Variants in FGF13 observed in about 807,000 individuals in gnomAD.
The protein encoded by FGF13 is fibroblast growth factor homologous factor 2.
FGF13 carries 2 observed loss-of-function variants against 19.5 expected under a neutral mutation model. The ratio of observed to expected loss-of-function variants is 0.10; its 90% CI spans 0.04 to 0.32. FGF13 has a LOEUF of 0.32. Among genes scored for constraint, FGF13 ranks in the 10% least tolerant of loss-of-function variants. FGF13 has a pLI of 1.00. For missense variants in FGF13, 113 were observed against 192.7 expected (o/e 0.59, Z 2.45); for synonymous variants, 72 against 76.9 (o/e 0.94, Z 0.33).
intron 3 of FGF13, among the ~76,000 whole-genome samples, chrX:138,839,866 C>G (rs772167115): frequency 2.7e-5 from 3 of 111,893 alleles, no homozygotes; most frequent in Non-Finnish European, 5.6e-5. Flanking sequence ...TATTTTTTAA[C>G]ACCTACTGGG....
chrX:139,065,152 A>C (rs1354433522), intron 1 of FGF13, among the ~76,000 whole-genome samples: 2 of 111,132 alleles, frequency 1.8e-5, no homozygotes, highest in African/African-American at 6.5e-5. Flanking sequence ...CTCCTGAAGG[A>C]AGCACTAAAC....
At chrX:138,922,163 A>T (rs1349692263) in intron 1 of FGF13, among the ~76,000 whole-genome samples, 1 of 110,382 alleles carries the variant, frequency 9.1e-6, no homozygotes, top group Admixed American at 9.7e-5. Flanking sequence ...TCTCACACAA[A>T]AAAAATGAAA....
At chrX:138,717,257 TGAG>T (rs1359837444) in intron 1 of FGF13, among the ~76,000 whole-genome samples, 1 of 111,530 alleles carries the variant, frequency 9.0e-6, no homozygotes, top group Non-Finnish European at 1.9e-5. Flanking sequence ...CCCTTAATCT[TGAG>T]GAGAGAATAC....
intron 1 of FGF13, among the ~76,000 whole-genome samples, chrX:139,012,125 T>A (rs2092131569): frequency 9.0e-6 from 1 of 111,289 alleles, no homozygotes; most frequent in Admixed American, 9.5e-5. Flanking sequence ...TACTTAGGAA[T>A]ATACCTAACC....
chrX:138,875,114 C>T (rs535416374), intron 1 of FGF13, among the ~76,000 whole-genome samples: 12 of 109,478 alleles, frequency 1.1e-4, no homozygotes, highest in Middle Eastern at 9.3e-3. Context: ...TGCCTGCAAT[C>T]CCAGCTACTC....
At chrX:139,161,887 CA>C (rs1192228012) in intron 1 of FGF13, among the ~76,000 whole-genome samples, 2 of 111,577 alleles carry the variant, frequency 1.8e-5, no homozygotes, top group East Asian at 5.6e-4. Context: ...AACCACTGCT[CA>C]AGGAAATAAG....
At chrX:138,667,038 C>T (rs1286284562) in intron 3 of FGF13, among the ~76,000 whole-genome samples, 2 of 108,189 alleles carry the variant, frequency 1.8e-5, no homozygotes, top group East Asian at 5.7e-4. Flanking sequence ...TCCAAATGTA[C>T]ATATATATCT....
At chrX:139,030,860 A>C (rs1192373835) in intron 1 of FGF13, among the ~76,000 whole-genome samples, 2 of 111,892 alleles carry the variant, frequency 1.8e-5, no homozygotes, top group Non-Finnish European at 3.8e-5. Context: ...TGCCACATTC[A>C]ATTAGTCAAA....
chrX:138,875,995 T>TAC (rs749175408), intron 1 of FGF13, among the ~76,000 whole-genome samples: 14,565 of 97,859 alleles, frequency 0.15, 969 homozygotes, highest in Middle Eastern at 0.21. Flanking sequence ...TATCGGCTTG[T>TAC]ACACACACAC....
At chrX:138,989,780 G>A (rs756727467) in intron 1 of FGF13, among the ~76,000 whole-genome samples, 17 of 108,659 alleles carry the variant, frequency 1.6e-4, no homozygotes, top group Non-Finnish European at 3.2e-4. Context: ...ATACATCTTT[G>A]TGGAGTTAAA....
chrX:139,025,773 T>C (rs2092198459), intron 1 of FGF13, among the ~76,000 whole-genome samples: 1 of 110,952 alleles, frequency 9.0e-6, no homozygotes, highest in African/African-American at 3.3e-5. Context: ...CTCTCTTCCT[T>C]CCCTTCCTAC....
At chrX:138,671,073 T>C (rs1248488044) in intron 3 of FGF13, among the ~76,000 whole-genome samples, 2 of 111,068 alleles carry the variant, frequency 1.8e-5, no homozygotes, top group Admixed American at 1.9e-4. Context: ...ATTATTAATC[T>C]ACATCATCAT....
intron 3 of FGF13, among the ~76,000 whole-genome samples, chrX:138,798,699 CT>C (rs1403525555): frequency 9.0e-6 from 1 of 111,434 alleles, no homozygotes; most frequent in African/African-American, 3.3e-5. Context: ...TTAACCTTTG[CT>C]TTTTTTGGTT....
At chrX:138,996,549 A>G (rs907107626) in intron 1 of FGF13, among the ~76,000 whole-genome samples, 1 of 112,617 alleles carries the variant, frequency 8.9e-6, no homozygotes, top group Admixed American at 9.3e-5. Flanking sequence ...TTTTATGCTC[A>G]CAGTGTAAAC....
At chrX:138,951,524 A>C (rs1163592847) in intron 1 of FGF13, among the ~76,000 whole-genome samples, 28 of 112,014 alleles carry the variant, frequency 2.5e-4, no homozygotes, top group Non-Finnish European at 1.7e-4. Context: ...ACTTATATTC[A>C]TAACTCCTAT....
intron 1 of FGF13, among the ~76,000 whole-genome samples, chrX:139,174,638 T>C (rs2084164245): frequency 8.9e-6 from 1 of 111,943 alleles, no homozygotes; most frequent in Non-Finnish European, 1.9e-5. Context: ...CCCAACACCA[T>C]TTATTAAATA....
chrX:138,930,754 A>G (rs1440779137), intron 1 of FGF13, among the ~76,000 whole-genome samples: 1 of 111,873 alleles, frequency 8.9e-6, no homozygotes, highest in African/African-American at 3.3e-5. Flanking sequence ...CCAAAAGTGC[A>G]TCACAGGGGA....
chrX:138,798,767 T>A (rs2090801175), intron 3 of FGF13, among the ~76,000 whole-genome samples: 2 of 112,143 alleles, frequency 1.8e-5, no homozygotes, highest in African/African-American at 6.5e-5. Flanking sequence ...TATTCAGGGA[T>A]TCGACTTCTC....
intron 3 of FGF13, among the ~76,000 whole-genome samples, chrX:138,833,200 T>C (rs1048801587): frequency 4.5e-5 from 5 of 112,096 alleles, no homozygotes; most frequent in Non-Finnish European, 9.4e-5. Context: ...CTATAAATAA[T>C]GTCAATGGTA....
Sources: gnomAD v4.1 joint callset for allele counts (sites outside exome capture counted in the v4.1 genomes callset) on GRCh38, gnomAD v4.1.1 for gene constraint, MANE v1.5 for transcripts, NCBI Gene and HGNC (gene_info 2026-07-23, HGNC 2026-07-21) for gene names.